AGO1: variants seen among roughly 807,000 people sequenced by gnomAD.
The protein encoded by AGO1 is argonaute RISC component 1, also known as protein argonaute-1.
AGO1 carries 11 observed loss-of-function variants against 109.2 expected under a neutral mutation model. That is an observed-to-expected ratio of 0.10 (90% confidence interval 0.06 to 0.17). The LOEUF (loss-of-function observed/expected upper bound fraction) is 0.17, where lower values mean the gene tolerates loss of function less well. Among genes scored for constraint, AGO1 ranks in the 10% least tolerant of loss-of-function variants. AGO1 has a pLI of 1.00. For missense variants in AGO1, 574 were observed against 1,140.3 expected (o/e 0.50, Z 7.15); for synonymous variants, 422 against 418.6 (o/e 1.01, Z -0.10).
Position 35,919,722 on chromosome 1 carries a change from G to A in AGO1, c.*115G>A. ...GGAGGTGGGGTAGGGAGGAGTGTAG[G>A]ATGCCTTGTTTCCTTCTATAGAGGT... is the stretch of plus-strand genomic sequence containing the variant. On this transcript the variant is annotated 3_prime_UTR_variant, in exon 19 of 19. Coordinates refer to ENST00000373204, the MANE Select transcript of AGO1 (RefSeq NM_012199.5). This position sits in a 1 kb window ranked among gnomAD's most constrained non-coding sequence, Gnocchi z 6.6. 1 of 943,422 alleles carries A rather than the reference G, an allele frequency of 1.1e-6. No homozygotes were observed. Among genetic ancestry groups the A allele is most frequent in the Non-Finnish European group, 1.6e-6 (1 of 634,054 alleles). 58.4% of individuals were successfully genotyped at this position (943,422 alleles called of 1,614,324 possible).
chr1:35,918,218 G>A, intron 16 of AGO1, 104 bp from the exon 17 acceptor site: 1 of 893,320 alleles, frequency 1.1e-6, no homozygotes, highest in East Asian at 2.4e-5. Flanking sequence ...TAGCAACTTT[G>A]GCTTTGTTCT....
In AGO1 at chr1:35,893,544, A is replaced by T. The variant is rs999674154; in HGVS notation, c.513-130A>T. The stretch of plus-strand genomic sequence containing the variant: ...CTTGTACAAGGTCAGTCATACAACT[A>T]GTAAAGCATCAGAGCTGGCATTAAA... On this transcript the variant is annotated intron_variant, in intron 4 of 18. Transcript: ENST00000373204. This position sits in a 1 kb window ranked among gnomAD's most constrained non-coding sequence, Gnocchi z 5.6. The T allele has an allele frequency of 2.8e-5, 28 of 1,003,012 alleles. No homozygotes were observed. Among genetic ancestry groups the T allele is most frequent in the Non-Finnish European group, 3.8e-5 (27 of 701,714 alleles). The allele number at this position is 1,003,012 out of a possible 1,614,324, so 62.1% of individuals were successfully genotyped here.
At chr1:35,910,967 G>A (rs1045433077) in intron 12 of AGO1, among the ~76,000 whole-genome samples, 55 of 152,330 alleles carry the variant, frequency 3.6e-4, no homozygotes, top group South Asian at 1.7e-3. Context: ...TCGGGAGGCT[G>A]AGGCCGGAGA....
intron 12 of AGO1, among the ~76,000 whole-genome samples, chr1:35,910,449 G>GAAAT (rs1442798635): frequency 6.6e-6 from 1 of 151,740 alleles, no homozygotes; most frequent in Non-Finnish European, 1.5e-5. Context: ...TACATGTTTA[G>GAAAT]CTCAGTGATA....
rs1171697562 is a variant in AGO1, at chr1:35,889,677, A to G, written c.209+1067A>G. ...TACCTTTTTTTCTTTTTGAGAAAGA[A>G]AAATTAGATTTTTCTTTCTCCCTCT... On this transcript the variant is annotated intron_variant, in intron 2 of 18. Coordinates refer to ENST00000373204, the MANE Select transcript of AGO1 (RefSeq NM_012199.5). Among the ~76,000 whole-genome samples, 5 of 151,600 alleles carry G rather than the reference A, an allele frequency of 3.3e-5. No individual in the cohort carries two copies. In the East Asian group the frequency reaches 9.9e-4, roughly 30 times the overall value.
rs1302826706 is a variant in AGO1, at chr1:35,923,533, A to G, written c.*3926A>G. 1 of 152,702 alleles carries G rather than the reference A, an allele frequency of 6.5e-6. No homozygotes were observed. 9.5% of individuals were successfully genotyped at this position (152,702 alleles called of 1,614,324 possible). On this transcript the variant is annotated 3_prime_UTR_variant, in exon 19 of 19. Transcript: ENST00000373204. The stretch of plus-strand genomic sequence containing the variant: ...TTATTTATATATGGGGCCTAGGCCA[A>G]TCCAGGATGGTAGCTGGAATACCTT...
chr1:35,889,585 A>G (rs1645180384), intron 2 of AGO1, among the ~76,000 whole-genome samples: 1 of 152,138 alleles, frequency 6.6e-6, no homozygotes, highest in Non-Finnish European at 1.5e-5. Flanking sequence ...AAATATTACA[A>G]AAAGAATAAT....
At chr1:35,907,921 T>C (rs1645554534) in intron 12 of AGO1, among the ~76,000 whole-genome samples, 1 of 152,130 alleles carries the variant, frequency 6.6e-6, no homozygotes, top group African/African-American at 2.4e-5. Context: ...GCCCAGAAAT[T>C]CGAGGCTAGT....
chr1:35,882,812 G>A (rs1358478177), upstream of AGO1: 1 of 985,276 alleles, frequency 1.0e-6, no homozygotes, highest in African/African-American at 1.7e-5. This position sits in a 1 kb window ranked among gnomAD's most constrained non-coding sequence, Gnocchi z 5.1. Context: ...GAAGGATGAG[G>A]GTGATTGGGA....
intron 1 of AGO1, among the ~76,000 whole-genome samples, chr1:35,886,981 GTGTC>G (rs149993071): frequency 9.7e-4 from 147 of 152,294 alleles, no homozygotes; most frequent in East Asian, 9.6e-3. Context: ...ATGGGGATGT[GTGTC>G]TGTCTGTCCG....
In AGO1 at chr1:35,895,242, A is replaced by G; in HGVS notation, c.993A>G (p.Glu331=). 6.2e-7 allele frequency: 1 copy of G among 1,613,914 alleles called. No individual in the cohort carries two copies. The highest frequency in any genetic ancestry group is 8.5e-7 in the Non-Finnish European group (1 of 1,179,866). The part of the protein sequence containing the change: ...PHLPCLQVGQ[E]QKHTYLPLEV... ...TGCCCTGCCTACAAGTTGGCCAGGA[A>G]CAAAAGCATACCTACCTTCCCCTAG... is the stretch of plus-strand genomic sequence containing the variant. Residue 331 remains glutamate (E), a synonymous_variant, in exon 8 of 19, where the codon GAA becomes GAG. Coordinates refer to ENST00000373204, the MANE Select transcript of AGO1 (RefSeq NM_012199.5).
At chr1:35,877,982 C>T (rs1040001990) in intron 1 of AGO1, among the ~76,000 whole-genome samples, 1 of 152,060 alleles carries the variant, frequency 6.6e-6, no homozygotes, top group African/African-American at 2.4e-5. Flanking sequence ...TGAGCCACTG[C>T]ACCCGGCCCA....
At chr1:35,896,233 A>T (rs1266888964) in intron 8 of AGO1, among the ~76,000 whole-genome samples, 1 of 152,174 alleles carries the variant, frequency 6.6e-6, no homozygotes, top group Admixed American at 6.5e-5. Flanking sequence ...TCCTGACCTC[A>T]GGTGATCTGC....
At chr1:35,900,544 A>G (rs537420396) in intron 8 of AGO1, among the ~76,000 whole-genome samples, 19 of 152,082 alleles carry the variant, frequency 1.2e-4, no homozygotes, top group Non-Finnish European at 2.5e-4. Flanking sequence ...CCTGGCCAAC[A>G]TGGCAAAACC....
chr1:35,915,472 A>G lies in AGO1; in HGVS notation c.1958A>G (p.Lys653Arg). The change falls in exon 15 of 19, where the codon AAG becomes AGG. Residue 653 changes from lysine to arginine, a missense_variant. Physicochemically the swap from Lys to Arg is conservative, Grantham distance 26. This residue lies in a region of AGO1 where 45 missense variants were observed against 61.3 expected (regional missense o/e 0.73). Transcript: ENST00000373204. ...CGTGAGCTCCTCATCCAATTCTACAAGTCCACCCGTTTCAAGCCTACCCGC... is the reference window on the plus strand; with the variant it reads ...CGTGAGCTCCTCATCCAATTCTACAGGTCCACCCGTTTCAAGCCTACCCGC... ...MVRELLIQFY[K>R]STRFKPTRII... The G allele has an allele frequency of 2.5e-6, 4 of 1,614,126 alleles. No homozygotes were observed. The highest frequency in any genetic ancestry group is 3.4e-6 in the Non-Finnish European group (4 of 1,180,028).
chr1:35,906,985 T>C lies in AGO1; in HGVS notation c.1448T>C (p.Ile483Thr). The change falls in exon 12 of 19, where the codon ATC becomes ACC. Residue 483 changes from isoleucine to threonine, a missense_variant. By Grantham distance (89) the Ile-to-Thr change is moderately conservative. Around this residue, in one of 8 missense-constraint regions of AGO1, gnomAD observed 106 missense variants for 147.8 expected, o/e 0.72. Transcript: ENST00000373204. ...ATTTCCAAGGATGCGGGGATGCCTATCCAGGGTCAACCTTGTTTCTGCAAA... is the reference window on the plus strand; with the variant it reads ...ATTTCCAAGGATGCGGGGATGCCTACCCAGGGTCAACCTTGTTTCTGCAAA... ...RKISKDAGMP[I>T]QGQPCFCKYA... is the part of the protein sequence containing the mutation. 6.2e-7 allele frequency: 1 copy of C among 1,614,116 alleles called. No individual in the cohort carries two copies.
At position 35,901,089 on chromosome 1, in the gene AGO1, T is replaced by C. The variant is rs1645407834; in HGVS notation, c.1021-385T>C. 6.6e-6 allele frequency among the ~76,000 whole-genome samples: 1 copy of C among 151,740 alleles called. No homozygotes were observed. On this transcript the variant is annotated intron_variant, in intron 8 of 18. Coordinates refer to ENST00000373204, the MANE Select transcript of AGO1 (RefSeq NM_012199.5). The surrounding 1 kb of genome is among the most constrained non-coding windows in gnomAD (Gnocchi z 4.8). Reference sequence around the variant, plus strand: ...CTCCGCCTCCCGGTTCAAGCGATTCTTGTTCCTCAGCCTCCTGAGTAGCTG... The same window carrying C: ...CTCCGCCTCCCGGTTCAAGCGATTCCTGTTCCTCAGCCTCCTGAGTAGCTG...
chr1:35,873,057 G>GTT (rs11389607), intron 1 of AGO1, among the ~76,000 whole-genome samples: 47 of 143,166 alleles, frequency 3.3e-4, no homozygotes, highest in East Asian at 2.8e-3. Flanking sequence ...CTGGTTACTT[G>GTT]TTTTTTTTTT....
chr1:35,872,742 T>C (rs1450323510), intron 1 of AGO1, among the ~76,000 whole-genome samples: 1 of 151,976 alleles, frequency 6.6e-6, no homozygotes, highest in Non-Finnish European at 1.5e-5. Context: ...CAGCTAATTT[T>C]TTAATTTTTT....
Sources: allele counts gnomAD v4.1 joint callset (sites outside exome capture counted in the v4.1 genomes callset), GRCh38; gene constraint gnomAD v4.1.1; regional missense constraint gnomAD v4.1.1; non-coding constraint Gnocchi (gnomAD v3.1); transcripts MANE v1.5; gene names NCBI Gene and HGNC (gene_info 2026-07-23, HGNC 2026-07-21).